The following DMD variants were observed in gnomAD, a reference collection of about 807,000 sequenced individuals.
DMD encodes mutant dystrophin.
DMD carries 63 observed loss-of-function variants against 330.1 expected under a neutral mutation model. The ratio of observed to expected loss-of-function variants is 0.19; its 90% confidence interval spans 0.16 to 0.24. DMD has a LOEUF of 0.24. Among genes scored for constraint, DMD ranks in the 10% least tolerant of loss-of-function variants. DMD has a pLI of 1.00. For synonymous variants in DMD, 1,223 were observed against 959.8 expected, an observed-to-expected ratio of 1.27 and a Z score of -5.07; for missense variants, 3,344 against 2,684.1, an observed-to-expected ratio of 1.25 and a Z score of -5.43.
At chrX:32,481,806 C>A (rs777886174) in intron 21 of DMD, among the ~76,000 whole-genome samples, 79 of 111,981 alleles carry the variant, frequency 7.1e-4, no homozygotes, top group African/African-American at 2.4e-3. Flanking sequence ...TCAATAAGCT[C>A]CATGAAGACA....
intron 21 of DMD, among the ~76,000 whole-genome samples, chrX:32,479,340 T>C (rs142930443): frequency 0.069 from 7,623 of 110,895 alleles, 277 homozygotes; most frequent in Non-Finnish European, 0.11. Flanking sequence ...TTTTATTAAC[T>C]GTGTCCACCA....
intron 30 of DMD, among the ~76,000 whole-genome samples, chrX:32,403,300 CAG>C (rs1229264379): frequency 3.6e-5 from 4 of 111,312 alleles, no homozygotes; most frequent in Non-Finnish European, 5.7e-5. Flanking sequence ...TCAAAATATT[CAG>C]AGTGTTGCAA....
At chrX:31,642,162 A>G (rs1353590798) in intron 54 of DMD, among the ~76,000 whole-genome samples, 1 of 112,300 alleles carries the variant, frequency 8.9e-6, no homozygotes, top group East Asian at 2.8e-4. Flanking sequence ...TTCACATTTT[A>G]TTAAAACTAC....
chrX:33,003,616 G>A (rs201082637), intron 2 of DMD, among the ~76,000 whole-genome samples: 2 of 83,383 alleles, frequency 2.4e-5, no homozygotes, highest in Non-Finnish European at 4.1e-5. Context: ...CTTTTTGTCC[G>A]TTTTTTTAAT....
intron 29 of DMD, among the ~76,000 whole-genome samples, chrX:32,431,316 A>G (rs186327834): frequency 8.9e-6 from 1 of 111,736 alleles, no homozygotes; most frequent in East Asian, 2.8e-4. Context: ...AGCCCTGATG[A>G]TTAATGAGTT....
chrX:32,724,883 G>A (rs922742258), intron 7 of DMD, among the ~76,000 whole-genome samples: 5 of 111,633 alleles, frequency 4.5e-5, no homozygotes, highest in African/African-American at 1.6e-4. Context: ...ATGATCTTTA[G>A]CATTTTTAAA....
chrX:33,018,388 G>A (rs1443721943), intron 2 of DMD, among the ~76,000 whole-genome samples: 2 of 111,585 alleles, frequency 1.8e-5, no homozygotes, highest in African/African-American at 6.5e-5. Flanking sequence ...TAAGATATGG[G>A]CATTCATAAG....
intron 62 of DMD, among the ~76,000 whole-genome samples, chrX:31,292,964 G>A (rs1167520427): frequency 9.0e-6 from 1 of 110,877 alleles, no homozygotes; most frequent in African/African-American, 3.3e-5. Flanking sequence ...ATAGTGATTG[G>A]GAGAGGGAAT....
chrX:31,325,497 C>T (rs2056724440), intron 61 of DMD, among the ~76,000 whole-genome samples: 1 of 106,930 alleles, frequency 9.4e-6, no homozygotes, highest in Non-Finnish European at 1.9e-5. Context: ...GCCTGTAATC[C>T]CAGCTACTCG....
At chrX:32,255,691 T>C (rs2097295609) in intron 43 of DMD, among the ~76,000 whole-genome samples, 1 of 112,419 alleles carries the variant, frequency 8.9e-6, no homozygotes, top group Admixed American at 9.5e-5. Context: ...AAGTGCTGAA[T>C]GCCACATGGA....
intron 50 of DMD, among the ~76,000 whole-genome samples, chrX:31,796,205 A>G (rs990628535): frequency 2.7e-5 from 3 of 112,563 alleles, no homozygotes; most frequent in Non-Finnish European, 5.6e-5. Flanking sequence ...AGAGACAGAA[A>G]AACTAGTGAA....
intron 55 of DMD, among the ~76,000 whole-genome samples, chrX:31,535,428 T>C (rs2147550902): frequency 1.5e-5 from 1 of 66,723 alleles, no homozygotes; most frequent in South Asian, 1.0e-3. Flanking sequence ...GAAAACTGGC[T>C]AGCCATATGT....
intron 1 of DMD, among the ~76,000 whole-genome samples, chrX:33,208,901 T>G (rs908213964): frequency 1.8e-5 from 2 of 111,503 alleles, no homozygotes; most frequent in Admixed American, 1.9e-4. Context: ...AATAGAATTT[T>G]GAAAAACACC....
chrX:32,631,972 C>A (rs1232688414), intron 11 of DMD, among the ~76,000 whole-genome samples: 2 of 111,270 alleles, frequency 1.8e-5, no homozygotes, highest in South Asian at 3.8e-4. Flanking sequence ...AACAGTCCCC[C>A]AAGGTCTTTA....
At chrX:31,440,769 T>C (rs1351089940) in intron 60 of DMD, among the ~76,000 whole-genome samples, 5 of 112,483 alleles carry the variant, frequency 4.4e-5, no homozygotes, top group Non-Finnish European at 9.4e-5. Context: ...GTAACATGCA[T>C]ACCAATGTGT....
At chrX:31,203,184 A>C (rs1272376685) in intron 67 of DMD, among the ~76,000 whole-genome samples, 3 of 105,035 alleles carry the variant, frequency 2.9e-5, no homozygotes, top group Non-Finnish European at 5.8e-5. Flanking sequence ...CGGGAGGCTG[A>C]GGTAGCAGAA....
chrX:33,218,508 TTTTCTC>T (rs905182572), intron 1 of DMD, among the ~76,000 whole-genome samples: 2 of 110,536 alleles, frequency 1.8e-5, no homozygotes, highest in Non-Finnish European at 3.8e-5. Context: ...TAAAGTGTCT[TTTTCTC>T]TTTCACTGTT....
chrX:32,520,269 T>G (rs1424431453), intron 17 of DMD, among the ~76,000 whole-genome samples: 1 of 112,240 alleles, frequency 8.9e-6, no homozygotes, highest in Non-Finnish European at 1.9e-5. Context: ...GTAAAAATCT[T>G]TCACACTCTC....
Position 33,080,350 on chromosome X carries a change from G to A in DMD, c.32-60150C>T, listed in dbSNP as rs182613445. On this transcript the variant is annotated intron_variant, in intron 1 of 78. Coordinates refer to ENST00000357033, the MANE Select transcript of DMD (RefSeq NM_004006.3). ...TTGCTTAAACCCTCAGTTTCGTTCC[G>A]TTACTCTTTTAGTTTAAGACAGTCT... 1.4e-4 allele frequency among the ~76,000 whole-genome samples: 16 copies of A among 110,439 alleles called. No individual in the cohort carries two copies. In the East Asian group the frequency reaches 4.0e-3, roughly 28 times the overall value.
Sources: allele counts gnomAD v4.1 joint callset (sites outside exome capture counted in the v4.1 genomes callset), GRCh38; gene constraint gnomAD v4.1.1; transcripts MANE v1.5; gene names NCBI Gene and HGNC (gene_info 2026-07-23, HGNC 2026-07-21).